LARGE1: variants seen among roughly 807,000 people sequenced by gnomAD.
LARGE1 encodes xylosyl- and glucuronyltransferase LARGE1.
Under a neutral mutation model 87.6 loss-of-function variants are expected in LARGE1, and 43 were observed. The observed-to-expected ratio is 0.49, with a 90% CI of 0.38 to 0.63. LARGE1 has a LOEUF of 0.63. Among genes scored for constraint, LARGE1 ranks in the 30% least tolerant of loss-of-function variants. The probability of loss-of-function intolerance (pLI) is 0.00; values close to 1 mark genes in which losing one functional copy is unlikely to be tolerated. For synonymous variants in LARGE1, 434 were observed against 394.6 expected, an observed-to-expected ratio of 1.10 and a Z score of -1.18; for missense variants, 802 against 1,000.2, an observed-to-expected ratio of 0.80 and a Z score of 2.67.
chr22:33,866,959 ACAC>A (rs1297267599), intron 1 of LARGE1, among the ~76,000 whole-genome samples: 7 of 152,218 alleles, frequency 4.6e-5, no homozygotes, highest in Non-Finnish European at 8.8e-5. Flanking sequence ...GCTAACAGGA[ACAC>A]CAACATGTCC....
At chr22:33,307,483 C>T (rs543999941) in intron 11 of LARGE1, among the ~76,000 whole-genome samples, 179 of 152,280 alleles carry the variant, frequency 1.2e-3, no homozygotes, top group African/African-American at 4.1e-3. Flanking sequence ...AATGCCTCCC[C>T]ACTCTTTCCC....
chr22:33,598,962 A>G (rs928309449), intron 5 of LARGE1, among the ~76,000 whole-genome samples: 1 of 152,208 alleles, frequency 6.6e-6, no homozygotes, highest in Non-Finnish European at 1.5e-5. Context: ...GTCTTCCACA[A>G]TGGTTGAGTA....
intron 6 of LARGE1, among the ~76,000 whole-genome samples, chr22:33,443,033 C>T (rs566604791): frequency 1.1e-3 from 173 of 152,230 alleles, no homozygotes; most frequent in African/African-American, 3.7e-3. Flanking sequence ...ACCTCATGAT[C>T]CGCCCTCCTC....
intron 2 of LARGE1, among the ~76,000 whole-genome samples, chr22:33,708,806 G>A (rs768147727): frequency 7.9e-5 from 12 of 152,238 alleles, no homozygotes; most frequent in Non-Finnish European, 1.6e-4. Context: ...TCACGATGTC[G>A]GTCAGGCTGG....
chr22:33,800,224 T>C (rs1175405598), intron 1 of LARGE1, among the ~76,000 whole-genome samples: 2 of 152,220 alleles, frequency 1.3e-5, no homozygotes, highest in Admixed American at 1.3e-4. Flanking sequence ...TTACAGTTAT[T>C]TTCATTTTGA....
intron 1 of LARGE1, among the ~76,000 whole-genome samples, chr22:33,890,904 T>G (rs1397715439): frequency 6.6e-6 from 1 of 152,030 alleles, no homozygotes. Flanking sequence ...TTACTGGGCA[T>G]AGCTGCTCAG....
the LARGE1 span, among the ~76,000 whole-genome samples, chr22:33,124,395 A>AGGAAGGAAGGAAGGAAGGAAGGAAAG: frequency 1.4e-4 from 20 of 148,108 alleles, no homozygotes; most frequent in Non-Finnish European, 2.0e-4. Context: ...GGAGGAAGGA[A>AGGAAGGAAGGAAGGAAGGAAGGAAAG]AATGATGGCT....
intron 7 of LARGE1, among the ~76,000 whole-genome samples, chr22:33,419,008 G>A (rs2066601618): frequency 6.6e-6 from 1 of 152,136 alleles, no homozygotes; most frequent in African/African-American, 2.4e-5. Context: ...CTGCTATAAA[G>A]ACATTCCCGA....
chr22:33,702,790 G>A (rs2082438107), intron 2 of LARGE1, among the ~76,000 whole-genome samples: 1 of 152,152 alleles, frequency 6.6e-6, no homozygotes, highest in South Asian at 2.1e-4. Flanking sequence ...CTACAATACA[G>A]TGTGAGGTAA....
intron 3 of LARGE1, among the ~76,000 whole-genome samples, chr22:33,645,277 A>C (rs2080572064): frequency 6.6e-6 from 1 of 152,250 alleles, no homozygotes; most frequent in Non-Finnish European, 1.5e-5. Flanking sequence ...CAGAGGCCGC[A>C]GAAATTAACC....
At chr22:33,555,163 A>G (rs904848843) in intron 6 of LARGE1, among the ~76,000 whole-genome samples, 1 of 152,216 alleles carries the variant, frequency 6.6e-6, no homozygotes, top group Non-Finnish European at 1.5e-5. Context: ...TAAATAATCG[A>G]GAGATGATTT....
chr22:33,860,989 G>A (rs1478679745), intron 1 of LARGE1, among the ~76,000 whole-genome samples: 1 of 152,158 alleles, frequency 6.6e-6, no homozygotes, highest in South Asian at 2.1e-4. Flanking sequence ...TGCACTCCTG[G>A]GCACTGTCGC....
intron 3 of LARGE1, among the ~76,000 whole-genome samples, chr22:33,644,076 C>T (rs2080529372): frequency 6.6e-5 from 10 of 152,152 alleles, no homozygotes. Flanking sequence ...CCAGCATCAC[C>T]CTAACACCAA....
chr22:33,440,920 C>T (rs1039611968), intron 6 of LARGE1, among the ~76,000 whole-genome samples: 1 of 152,130 alleles, frequency 6.6e-6, no homozygotes, highest in South Asian at 2.1e-4. Flanking sequence ...TCTACTACTG[C>T]ACATGAAGAC....
chr22:33,562,321 G>T (rs539499927), intron 6 of LARGE1, among the ~76,000 whole-genome samples: 2 of 152,234 alleles, frequency 1.3e-5, no homozygotes, highest in South Asian at 4.1e-4. Context: ...CTGATGTTTT[G>T]TACTCCTTTG....
chr22:33,863,185 C>T (rs1348176608), intron 1 of LARGE1, among the ~76,000 whole-genome samples: 6 of 152,294 alleles, frequency 3.9e-5, no homozygotes, highest in Non-Finnish European at 7.4e-5. Context: ...ACTCCTTTAT[C>T]TCGGGCGTGC....
Position 33,704,375 on chromosome 22 carries a change from A to C in LARGE1, c.107-53707T>G. On this transcript the variant is annotated intron_variant, in intron 2 of 14. Transcript: ENST00000397394. Reference sequence around the variant, plus strand: ...CTGGCCTGATGATTGCTGTATGGCTACAAAGACCTCGTTCAAATGTCCCAC... The same window carrying C: ...CTGGCCTGATGATTGCTGTATGGCTCCAAAGACCTCGTTCAAATGTCCCAC... 1.3e-5 allele frequency among the ~76,000 whole-genome samples: 2 copies of C among 152,210 alleles called. 1 individual carries two copies. The highest frequency in any genetic ancestry group is 2.9e-5 in the Non-Finnish European group (2 of 68,040).
At chr22:33,740,025 C>G (rs576696182) in intron 2 of LARGE1, among the ~76,000 whole-genome samples, 55 of 152,284 alleles carry the variant, frequency 3.6e-4, no homozygotes, top group Admixed American at 3.6e-3. Flanking sequence ...TGCTGTGTTG[C>G]TTTTCCTACT....
rs552893306 is a variant in LARGE1 at position 33,355,995 on chromosome 22, T to C, written c.1132-18194A>G. Among the ~76,000 whole-genome samples the C allele has an allele frequency of 9.9e-5, 15 of 152,100 alleles. No homozygotes were observed. In the East Asian group the frequency reaches 2.7e-3, roughly 28 times the overall value. Reference sequence around the variant, plus strand: ...CTGGCTGCAGGACTTCCTAATACAGTATTTGGTATGTAGTACATAGAACTC... The same window carrying C: ...CTGGCTGCAGGACTTCCTAATACAGCATTTGGTATGTAGTACATAGAACTC... On this transcript the variant is annotated intron_variant, in intron 9 of 14. Transcript: ENST00000397394.
Sources: gnomAD v4.1 joint callset for allele counts (sites outside exome capture counted in the v4.1 genomes callset) on GRCh38, gnomAD v4.1.1 for gene constraint, MANE v1.5 for transcripts, NCBI Gene and HGNC (gene_info 2026-07-23, HGNC 2026-07-21) for gene names.